Variants in VWA5A observed in about 807,000 individuals in gnomAD.
VWA5A encodes the protein von Willebrand factor A domain-containing protein 5A.
A neutral mutation model predicts 84.6 loss-of-function variants in VWA5A; 77 were observed. That is an observed-to-expected ratio of 0.91 (90% CI 0.76 to 1.10). VWA5A has a LOEUF of 1.10. Ranked by LOEUF, VWA5A falls within the 50% of genes least tolerant of loss-of-function variation. The probability of loss-of-function intolerance (pLI) is 0.00; values close to 1 mark genes in which losing one functional copy is unlikely to be tolerated. For synonymous variants in VWA5A, 334 were observed against 350.1 expected, an observed-to-expected ratio of 0.95 and a Z score of 0.51; for missense variants, 973 against 963.0, an observed-to-expected ratio of 1.01 and a Z score of -0.14.
Position 124,118,173 on chromosome 11 carries a change from G to A in VWA5A, c.247-16G>A, listed in dbSNP as rs749979441. The A allele has an allele frequency of 1.5e-5, 24 of 1,610,724 alleles. No individual in the cohort carries two copies. The highest frequency in any genetic ancestry group is 1.1e-4 in the East Asian group (5 of 44,846). ...ATGTTCCCTTTCTTTCCCATCCCTCGCCCTGTGCTTCTCAGGCCCGCACCA... is the reference window on the plus strand; with the variant it reads ...ATGTTCCCTTTCTTTCCCATCCCTCACCCTGTGCTTCTCAGGCCCGCACCA... On this transcript the variant is annotated splice_polypyrimidine_tract_variant and intron_variant, in intron 4 of 18. Coordinates refer to ENST00000456829, the MANE Select transcript of VWA5A (RefSeq NM_001130142.2).
chr11:124,120,928 T>C (rs1864922091), intron 7 of VWA5A, among the ~76,000 whole-genome samples: 1 of 152,220 alleles, frequency 6.6e-6, no homozygotes, highest in South Asian at 2.1e-4. Context: ...TTTTCTCATC[T>C]AGTCCCCATG....
At chr11:124,135,788 C>A (rs1322327421) in intron 12 of VWA5A, among the ~76,000 whole-genome samples, 1 of 151,830 alleles carries the variant, frequency 6.6e-6, no homozygotes, top group East Asian at 1.9e-4. Flanking sequence ...CCTCGGCCTC[C>A]CAAAGTGCTG....
intron 4 of VWA5A, 82 bp from the exon 5 acceptor site, chr11:124,118,107 G>A (rs925680146): frequency 1.0e-5 from 15 of 1,446,906 alleles, no homozygotes; most frequent in African/African-American, 5.7e-5. Context: ...TCACACAGTC[G>A]CTCTGCACTG....
At chr11:124,121,015 A>G (rs1438018280) in intron 7 of VWA5A, among the ~76,000 whole-genome samples, 1 of 152,160 alleles carries the variant, frequency 6.6e-6, no homozygotes. Flanking sequence ...AGGACTGCTC[A>G]AGTCTTGCTT....
intron 15 of VWA5A, among the ~76,000 whole-genome samples, chr11:124,138,217 T>C (rs1210691262): frequency 6.6e-6 from 1 of 152,246 alleles, no homozygotes; most frequent in Non-Finnish European, 1.5e-5. Context: ...CATCCACTGA[T>C]GGATACCTAG....
In VWA5A at chr11:124,145,317, G is replaced by T. The variant is rs200464179; in HGVS notation, c.2235G>T (p.Trp745Cys). Residue 745 changes from tryptophan (W) to cysteine (C), a missense_variant, in exon 18 of 19, where the codon TGG becomes TGT. By Grantham distance (215) the Trp-to-Cys change is radical. Transcript: ENST00000456829. ...ATGGTAAGGACTTGAAGTGTGAATG[G>T]GAGCTTCTGGAAAGGAAGGCCGTGG... is the stretch of plus-strand genomic sequence containing the variant. The part of the protein sequence containing the change: ...HSNGKDLKCE[W>C]ELLERKAVAW... 5 of 1,613,794 alleles carry T rather than the reference G, an allele frequency of 3.1e-6. No individual in the cohort carries two copies. The South Asian group carries it at 5.5e-5, about 18-fold the overall frequency.
chr11:124,123,298 G>T, intron 8 of VWA5A, 68 bp from the exon 9 acceptor site: 1 of 1,540,806 alleles, frequency 6.5e-7, no homozygotes, highest in Non-Finnish European at 8.9e-7. Flanking sequence ...CTCAAGAGTC[G>T]ATTGACAGGG....
At chr11:124,134,077 G>T (rs889165526) in intron 11 of VWA5A, among the ~76,000 whole-genome samples, 1 of 152,118 alleles carries the variant, frequency 6.6e-6, no homozygotes, top group Non-Finnish European at 1.5e-5. Flanking sequence ...TTATAACATA[G>T]GCTACAATTC....
Position 124,137,010 on chromosome 11 carries a change from T to C in VWA5A, c.1626-5T>C. The C allele has an allele frequency of 6.2e-7, 1 of 1,610,500 alleles. No homozygotes were observed. Among genetic ancestry groups the C allele is most frequent in the South Asian group, 1.1e-5 (1 of 90,512 alleles). On this transcript the variant is annotated splice_polypyrimidine_tract_variant and splice_region_variant and intron_variant, in intron 14 of 18. Transcript: ENST00000456829. ...ATTTCAGTACTTTTTTTTTTTTCCT[T>C]TCAGCCTCACCATTCACCGCCTTGC...
rs1224308018 is a variant in VWA5A, at chr11:124,145,407, C to T, written c.2281+44C>T. ...GGCCTGTCTCCTTCCCCTTCCCTGG[C>T]CTGGCGGAAGGTGACCACAAGAGAG... On this transcript the variant is annotated intron_variant, in intron 18 of 18. Transcript: ENST00000456829. 3.2e-6 allele frequency: 5 copies of T among 1,564,322 alleles called. 1 individual carries two copies. The highest frequency in any genetic ancestry group is 4.3e-6 in the Non-Finnish European group (5 of 1,155,030).
chr11:124,118,767 G>A lies in VWA5A; in HGVS notation c.645+59G>A, dbSNP rs111339130. On this transcript the variant is annotated intron_variant, in intron 6 of 18. Coordinates refer to ENST00000456829, the MANE Select transcript of VWA5A (RefSeq NM_001130142.2). ...CCTCTGTTGCTTGAGTCTTGACTTG[G>A]TCCCCAACCAGTTCTTCCCAAGTGG... 5.1e-4 allele frequency: 787 copies of A among 1,558,228 alleles called. 4 individuals are homozygous for A. In the African/African-American group the frequency reaches 9.4e-3, roughly 19 times the overall value.
rs1860838676 is a variant in VWA5A, at chr11:124,147,420, CAG to C, written c.*1477_*1478del. 2.0e-5 allele frequency: 3 copies of C among 152,190 alleles called. No individual in the cohort carries two copies. The allele number at this position is 152,190 out of a possible 1,614,324, so 9.4% of individuals were successfully genotyped here. A position where few individuals can be genotyped will look rare whatever the true frequency, so the allele number is the denominator to read the frequency against. ...AGAGGAACATCGGTGACTTTTCACT[CAG>C]AAAGTGGGTGGACTAGGCCTGAGTT... On this transcript the variant is annotated 3_prime_UTR_variant, in exon 19 of 19. Coordinates refer to ENST00000456829, the MANE Select transcript of VWA5A (RefSeq NM_001130142.2).
In VWA5A at chr11:124,123,829, G is replaced by A. The variant is rs555983977; in HGVS notation, c.1164+25G>A. 9.8e-6 allele frequency: 15 copies of A among 1,532,172 alleles called. No homozygotes were observed. In the African/African-American group the frequency reaches 1.9e-4, roughly 20 times the overall value. The allele number at this position is 1,532,172 out of a possible 1,614,324, so 94.9% of individuals were successfully genotyped here. A position where few individuals can be genotyped will look rare whatever the true frequency, so the allele number is the denominator to read the frequency against. Reference sequence around the variant, plus strand: ...GGTAAGAAGTGGAACAGAGCTAACAGAAGAGACAGGAAGTGTGAAATCTCT... The same window carrying A: ...GGTAAGAAGTGGAACAGAGCTAACAAAAGAGACAGGAAGTGTGAAATCTCT... On this transcript the variant is annotated intron_variant, in intron 10 of 18. Coordinates refer to ENST00000456829, the MANE Select transcript of VWA5A (RefSeq NM_001130142.2).
chr11:124,120,789 C>T (rs147501369), intron 7 of VWA5A, among the ~76,000 whole-genome samples: 4 of 152,308 alleles, frequency 2.6e-5, no homozygotes, highest in Admixed American at 6.5e-5. Flanking sequence ...CAGTGACCTA[C>T]GTGTCAGTTA....
At chr11:124,130,135 C>G (rs887209214) in intron 11 of VWA5A, among the ~76,000 whole-genome samples, 11 of 152,160 alleles carry the variant, frequency 7.2e-5, no homozygotes, top group Non-Finnish European at 1.5e-4. Flanking sequence ...AAATTTCCCT[C>G]TAAACAGTGC....
Position 124,117,861 on chromosome 11 carries a change from C to G in VWA5A, c.232C>G (p.Gln78Glu), listed in dbSNP as rs779870356. 1 of 1,614,170 alleles carries G rather than the reference C, an allele frequency of 6.2e-7. No homozygotes were observed. Among genetic ancestry groups the G allele is most frequent in the South Asian group, 1.1e-5 (1 of 91,086 alleles). The stretch of plus-strand genomic sequence containing the variant: ...TGGGAAGAAAATTGTAGCAGAATTA[C>G]AAGACAAGATGAAGGTAGTAGAGAT... The part of the protein sequence containing the change: ...VDGKKIVAEL[Q>E]DKMKARTNYE... Residue 78 changes from glutamine to glutamate, a missense_variant, in exon 4 of 19, where the codon CAA (glutamine) becomes GAA (glutamate). Coordinates refer to ENST00000456829, the MANE Select transcript of VWA5A (RefSeq NM_001130142.2).
chr11:124,145,178 T>A (rs903657231), intron 17 of VWA5A, 59 bp from the exon 18 acceptor site: 1 of 1,550,646 alleles, frequency 6.4e-7, no homozygotes, highest in African/African-American at 1.4e-5. Flanking sequence ...GGAGTGAAGC[T>A]TTTTGCATCC....
chr11:124,139,956 T>C lies in VWA5A; in HGVS notation c.1880-1642T>C, dbSNP rs574304524. Among the ~76,000 whole-genome samples the C allele has an allele frequency of 1.2e-4, 18 of 152,328 alleles. No individual in the cohort carries two copies. The East Asian group carries it at 3.5e-3, about 29-fold the overall frequency. ...GAGTTTGCCATAATTGTCTTTATTA[T>C]GTTGAGGTACCTTACATCTATACCT... On this transcript the variant is annotated intron_variant, in intron 15 of 18. Transcript: ENST00000456829.
chr11:124,135,809 C>T (rs1298017479), intron 12 of VWA5A, among the ~76,000 whole-genome samples: 1 of 151,812 alleles, frequency 6.6e-6, no homozygotes, highest in Non-Finnish European at 1.5e-5. Context: ...GGATTACAGG[C>T]GTGAGCCACC....
Sources: gnomAD v4.1 joint callset for allele counts (sites outside exome capture counted in the v4.1 genomes callset) on GRCh38, gnomAD v4.1.1 for gene constraint, MANE v1.5 for transcripts, NCBI Gene and HGNC (gene_info 2026-07-23, HGNC 2026-07-21) for gene names.